The following PLEKHH2 variants were observed in gnomAD, a reference collection of about 807,000 sequenced individuals.
PLEKHH2 encodes pleckstrin homology, MyTH4 and FERM domain containing H2, also known as pleckstrin homology domain-containing family H member 2.
A neutral mutation model predicts 187.9 loss-of-function variants in PLEKHH2; 129 were observed. The observed-to-expected ratio is 0.69, with a 90% confidence interval of 0.59 to 0.79. The LOEUF is 0.79. Among genes scored for constraint, PLEKHH2 ranks in the 30% least tolerant of loss-of-function variants. The pLI is 0.00. For synonymous variants in PLEKHH2, 686 were observed against 605.6 expected (o/e 1.13, Z -1.95); for missense variants, 2,076 against 1,751.2 (o/e 1.19, Z -3.31).
chr2:43,668,020 G>A (rs1667299223), intron 2 of PLEKHH2, among the ~76,000 whole-genome samples: 2 of 152,076 alleles, frequency 1.3e-5, no homozygotes, highest in Admixed American at 6.6e-5. Flanking sequence ...ACTACTATTA[G>A]CATTCTTTTT....
At chr2:43,741,203 A>G in intron 21 of PLEKHH2, 160 bp downstream of exon 21, 1 of 527,208 alleles carries the variant, frequency 1.9e-6, no homozygotes, top group Non-Finnish European at 3.1e-6. Flanking sequence ...GAGCTAGGAA[A>G]ATATTTCCTT....
At chr2:43,711,194 G>A (rs1669946661) in intron 14 of PLEKHH2, 3 of 985,368 alleles carry the variant, frequency 3.0e-6, no homozygotes, top group African/African-American at 3.5e-5. Flanking sequence ...TTTCTGAAAT[G>A]TCTTCAATAA....
At chr2:43,656,911 T>A (rs140872710) in intron 2 of PLEKHH2, among the ~76,000 whole-genome samples, 10 of 152,162 alleles carry the variant, frequency 6.6e-5, no homozygotes, top group Admixed American at 2.0e-4. Context: ...CCCAGCTACT[T>A]GGGAGGCTGA....
intron 2 of PLEKHH2, among the ~76,000 whole-genome samples, 184 bp from the exon 3 acceptor site, chr2:43,678,679 C>T (rs562460057): frequency 1.5e-4 from 22 of 151,398 alleles, no homozygotes; most frequent in African/African-American, 4.1e-4. Flanking sequence ...AGCTTCGGCT[C>T]GGCATCAGAG....
rs142311076 is a variant in PLEKHH2 at position 43,649,627 on chromosome 2, G to C, written c.123+4831G>C. On this transcript the variant is annotated intron_variant, in intron 2 of 29. Coordinates refer to ENST00000282406, the MANE Select transcript of PLEKHH2 (RefSeq NM_172069.4). ...ATACATTCCCTCAGTTACTCTACTG[G>C]CTTGCCTAATGTTTCACAGTGTCTA... 3.9e-5 allele frequency among the ~76,000 whole-genome samples: 6 copies of C among 152,288 alleles called. No individual in the cohort carries two copies. The East Asian group carries it at 1.2e-3, about 29-fold the overall frequency.
Position 43,762,336 on chromosome 2 carries a change from C to G in PLEKHH2, c.4104C>G (p.Phe1368Leu), listed in dbSNP as rs777065579. ...PITPSSLGST[F>L]LWLAVHEDGL... The stretch of plus-strand genomic sequence containing the variant: ...CTCCATCATCACTTGGAAGTACTTT[C>G]TTGTGGCTGGCTGTACATGAGGATG... Residue 1368 changes from phenylalanine (F) to leucine (L), a missense_variant, in exon 28 of 30, where the codon TTC becomes TTG. By Grantham distance (22) the Phe-to-Leu change is conservative. Coordinates refer to ENST00000282406, the MANE Select transcript of PLEKHH2 (RefSeq NM_172069.4). 3 of 1,613,126 alleles carry G rather than the reference C, an allele frequency of 1.9e-6. No homozygotes were observed. Among genetic ancestry groups the G allele is most frequent in the East Asian group, 4.5e-5 (2 of 44,822 alleles).
Position 43,699,836 on chromosome 2 carries a change from G to T in PLEKHH2, c.878G>T (p.Gly293Val). Residue 293 changes from glycine (G) to valine (V), a missense_variant, in exon 8 of 30, where the codon GGG becomes GTG. Gly to Val is a moderately radical substitution (Grantham distance 109, BLOSUM62 -3). Transcript: ENST00000282406. ...VSDWSSDEED[G>V]SKGRSKSRCT... ...GACTGGAGCTCTGATGAGGAAGACG[G>T]GAGCAAAGGAAGATCCAAGTCCAGA... 6.2e-7 allele frequency: 1 copy of T among 1,611,996 alleles called. No homozygotes were observed. The highest frequency in any genetic ancestry group is 2.2e-5 in the East Asian group (1 of 44,878).
intron 15 of PLEKHH2, among the ~76,000 whole-genome samples, chr2:43,715,013 T>A (rs997583644): frequency 2.0e-5 from 3 of 152,004 alleles, no homozygotes; most frequent in African/African-American, 7.2e-5. Context: ...AGCAGTGGCT[T>A]ATGCCTGTAA....
chr2:43,733,840 T>C (rs765577455), intron 19 of PLEKHH2, among the ~76,000 whole-genome samples: 76 of 152,148 alleles, frequency 5.0e-4, no homozygotes, highest in Admixed American at 2.4e-3. Context: ...ATTTCTATAA[T>C]GGAATGTTTA....
chr2:43,739,521 A>G (rs751204072), intron 20 of PLEKHH2, among the ~76,000 whole-genome samples: 1 of 152,218 alleles, frequency 6.6e-6, no homozygotes, highest in Non-Finnish European at 1.5e-5. Flanking sequence ...AAGCTTATAC[A>G]GTTTGGGAAA....
intron 24 of PLEKHH2, among the ~76,000 whole-genome samples, chr2:43,752,915 A>T (rs913922184): frequency 2.0e-5 from 3 of 152,234 alleles, no homozygotes; most frequent in Non-Finnish European, 2.9e-5. Context: ...TGCTTATCAG[A>T]TTGTGGCCAA....
chr2:43,718,520 A>T (rs1670321453), intron 15 of PLEKHH2, among the ~76,000 whole-genome samples: 1 of 152,004 alleles, frequency 6.6e-6, no homozygotes, highest in Non-Finnish European at 1.5e-5. Context: ...CCTGGGTGGC[A>T]GAGCGAGACT....
At chr2:43,676,793 CA>C (rs1282949944) in intron 2 of PLEKHH2, among the ~76,000 whole-genome samples, 1 of 152,066 alleles carries the variant, frequency 6.6e-6, no homozygotes, top group Non-Finnish European at 1.5e-5. Context: ...TGTGTTTAAT[CA>C]AAGAATCTCT....
intron 23 of PLEKHH2, among the ~76,000 whole-genome samples, chr2:43,745,566 G>A (rs916184324): frequency 2.0e-5 from 3 of 152,072 alleles, no homozygotes; most frequent in Non-Finnish European, 4.4e-5. Context: ...CCAAATCATG[G>A]AAAAATCCCT....
At chr2:43,708,439 C>T (rs1455672517) in intron 11 of PLEKHH2, among the ~76,000 whole-genome samples, 1 of 152,204 alleles carries the variant, frequency 6.6e-6, no homozygotes, top group Non-Finnish European at 1.5e-5. Flanking sequence ...TGGTATTCTT[C>T]CCCTAGATGT....
intron 14 of PLEKHH2, chr2:43,711,138 G>A: frequency 1.0e-6 from 1 of 985,684 alleles, no homozygotes; most frequent in Non-Finnish European, 1.2e-6. Context: ...TAAAACACAG[G>A]CTGTTGAGAT....
Position 43,743,935 on chromosome 2 carries a change from C to T in PLEKHH2, c.3501C>T (p.Phe1167=). The T allele has an allele frequency of 6.2e-7, 1 of 1,614,092 alleles. No individual in the cohort carries two copies. Among genetic ancestry groups the T allele is most frequent in the Non-Finnish European group, 8.5e-7 (1 of 1,179,980 alleles). The part of the protein sequence containing the change: ...RKPAQSGFAL[F]TDDPSGRDLE... ...CAGCGCAGTCTGGATTTGCGTTGTT[C>T]ACTGACGATCCTTCTGGCAGAGATT... Residue 1167 remains phenylalanine, a synonymous_variant, in exon 23 of 30, where the codon TTC becomes TTT. Coordinates refer to ENST00000282406, the MANE Select transcript of PLEKHH2 (RefSeq NM_172069.4).
intron 17 of PLEKHH2, among the ~76,000 whole-genome samples, chr2:43,727,193 C>T (rs1670794060): frequency 6.6e-6 from 1 of 152,116 alleles, no homozygotes; most frequent in African/African-American, 2.4e-5. Flanking sequence ...GCGGGTGGAT[C>T]ACAAGGTCAG....
At chr2:43,681,445 A>T (rs918719908) in intron 3 of PLEKHH2, 16 of 1,546,768 alleles carry the variant, frequency 1.0e-5, no homozygotes, top group Non-Finnish European at 1.3e-5. Flanking sequence ...TTGTCAAAAT[A>T]ATCTTCTTCC....
Sources: allele counts gnomAD v4.1 joint callset (sites outside exome capture counted in the v4.1 genomes callset), GRCh38; gene constraint gnomAD v4.1.1; transcripts MANE v1.5; gene names NCBI Gene and HGNC (gene_info 2026-07-23, HGNC 2026-07-21).